ACOX3: variants seen among roughly 807,000 people sequenced by gnomAD.
ACOX3 encodes peroxisomal acyl-coenzyme A oxidase 3.
ACOX3 carries 73 observed loss-of-function variants against 81.5 expected under a neutral mutation model. The observed-to-expected ratio is 0.90, with a 90% CI of 0.74 to 1.09. ACOX3 has a LOEUF of 1.09. ACOX3 is among the 50% of genes least tolerant of loss of function. The probability of loss-of-function intolerance (pLI) is 0.00; values close to 1 mark genes in which losing one functional copy is unlikely to be tolerated. For missense variants in ACOX3, 947 were observed against 928.0 expected (o/e 1.02, Z -0.27); for synonymous variants, 387 against 375.1 (o/e 1.03, Z -0.37).
chr4:8,366,919 C>T lies in ACOX3; in HGVS notation c.*42G>A. ...AGTTGAGGTCCACGTCTGATTAGTT[C>T]CCTTCGTTTCATTAGACTTGGCTGA... is the stretch of plus-strand genomic sequence containing the variant. On this transcript the variant is annotated 3_prime_UTR_variant, in exon 18 of 18. Transcript: ENST00000356406. 1 of 1,609,438 alleles carries T rather than the reference C, an allele frequency of 6.2e-7. No individual in the cohort carries two copies.
At chr4:8,380,518 G>A (rs1278920336) in intron 14 of ACOX3, among the ~76,000 whole-genome samples, 1 of 152,160 alleles carries the variant, frequency 6.6e-6, no homozygotes, top group Non-Finnish European at 1.5e-5. Context: ...CTTGACAGGA[G>A]CCCATCCTTC....
chr4:8,377,780 T>A lies in ACOX3; in HGVS notation c.1654-2628A>T, dbSNP rs562761861. Among the ~76,000 whole-genome samples the A allele has an allele frequency of 1.2e-4, 19 of 152,246 alleles. 1 individual carries two copies. The highest frequency in any genetic ancestry group is 3.6e-4 in the African/African-American group (15 of 41,550). ...AAGGTGGGCTGGGGCCCAGGAAGCA[T>A]CCCATGCGGTATGGACTCTGGCGAC... On this transcript the variant is annotated intron_variant, in intron 14 of 17. Transcript: ENST00000356406.
At chr4:8,404,468 A>C (rs1720713747) in intron 7 of ACOX3, among the ~76,000 whole-genome samples, 1 of 150,616 alleles carries the variant, frequency 6.6e-6, no homozygotes, top group South Asian at 2.1e-4. Flanking sequence ...AAATCACAAG[A>C]ATTTGCTTTT....
chr4:8,373,499 C>G (rs1479382633), intron 16 of ACOX3, 62 bp downstream of exon 16: 1 of 1,550,908 alleles, frequency 6.4e-7, no homozygotes, highest in African/African-American at 1.4e-5. Context: ...TAAGGGGATG[C>G]GTGTCGCTCT....
chr4:8,421,435 C>G (rs977436574), intron 1 of ACOX3, among the ~76,000 whole-genome samples: 16 of 152,206 alleles, frequency 1.1e-4, no homozygotes, highest in African/African-American at 2.4e-5. Context: ...TCCCAAATTC[C>G]CGGCATTGGC....
intron 17 of ACOX3, 56 bp from the exon 18 acceptor site, chr4:8,367,136 C>G: frequency 1.3e-6 from 2 of 1,595,392 alleles, no homozygotes; most frequent in South Asian, 2.2e-5. Context: ...GGAAAAGATT[C>G]CTAGACGGCT....
chr4:8,397,752 C>T (rs532471849), intron 8 of ACOX3, among the ~76,000 whole-genome samples: 2 of 152,372 alleles, frequency 1.3e-5, no homozygotes, highest in African/African-American at 2.4e-5. Context: ...CCCGTGCTGC[C>T]CCATCGGGCC....
At position 8,416,451 on chromosome 4, in the gene ACOX3, T is replaced by G. The variant is rs779954683; in HGVS notation, c.71A>C (p.Tyr24Ser). Residue 24 changes from tyrosine to serine, a missense_variant, in exon 2 of 18, where the codon TAC becomes TCC. By Grantham distance (144) the Tyr-to-Ser change is moderately radical (BLOSUM62 -2). Coordinates refer to ENST00000356406, the MANE Select transcript of ACOX3 (RefSeq NM_003501.3). This position sits in a 1 kb window ranked among gnomAD's most constrained non-coding sequence, Gnocchi z 4.2. ...CCAGCTGAAGGACGCTCTTGCTCGG[T>G]AGGCATCGAGGGGCCCCCTGGGGAA... ...PEFPRGPLDA[Y>S]RARASFSWKE... is the part of the protein sequence containing the mutation. 3.1e-6 allele frequency: 5 copies of G among 1,614,106 alleles called. No individual in the cohort carries two copies. The highest frequency in any genetic ancestry group is 4.2e-6 in the Non-Finnish European group (5 of 1,180,016).
chr4:8,405,847 A>T lies in ACOX3; in HGVS notation c.776+108T>A. 8.7e-7 allele frequency: 1 copy of T among 1,144,952 alleles called. No homozygotes were observed. The highest frequency in any genetic ancestry group is 1.3e-6 in the Non-Finnish European group (1 of 761,240). The allele number at this position is 1,144,952 out of a possible 1,614,324, so 70.9% of individuals were successfully genotyped here. A position where few individuals can be genotyped will look rare whatever the true frequency, so the allele number is the denominator to read the frequency against. On this transcript the variant is annotated intron_variant, in intron 7 of 17. Coordinates refer to ENST00000356406, the MANE Select transcript of ACOX3 (RefSeq NM_003501.3). The surrounding 1 kb of genome is among the most constrained non-coding windows in gnomAD (Gnocchi z 7.1). Reference sequence around the variant, plus strand: ...TAGGTCCCCACCGCATTTGAGTCTAAGAGGGCAGGGCATGGCATCCATGGG... The same window carrying T: ...TAGGTCCCCACCGCATTTGAGTCTATGAGGGCAGGGCATGGCATCCATGGG...
intron 7 of ACOX3, among the ~76,000 whole-genome samples, chr4:8,402,423 G>A (rs936264601): frequency 1.3e-5 from 2 of 152,134 alleles, no homozygotes; most frequent in Non-Finnish European, 1.5e-5. Flanking sequence ...ACCTTGCCTC[G>A]GTGCCAATGG....
rs781536354 is a variant in ACOX3 at position 8,416,393 on chromosome 4, G to A, written c.129C>T (p.Gly43=). 73 of 1,614,086 alleles carry A rather than the reference G, an allele frequency of 4.5e-5. No homozygotes were observed. Among genetic ancestry groups the A allele is most frequent in the Non-Finnish European group, 5.7e-5 (67 of 1,180,050 alleles). Residue 43 remains glycine (G), a synonymous_variant, in exon 2 of 18, where the codon GGC becomes GGT. Coordinates refer to ENST00000356406, the MANE Select transcript of ACOX3 (RefSeq NM_003501.3). This position sits in a 1 kb window ranked among gnomAD's most constrained non-coding sequence, Gnocchi z 4.2. ...CACGCCTCACCTTAAAGCGGAGCAT[G>A]CCCTCCCCTTCCGTGAACAGCGCCA... The part of the protein sequence containing the change: ...KELALFTEGE[G]MLRFKKTIFS...
At chr4:8,380,649 C>T (rs1426853566) in intron 14 of ACOX3, among the ~76,000 whole-genome samples, 1 of 152,190 alleles carries the variant, frequency 6.6e-6, no homozygotes, top group Admixed American at 6.5e-5. Flanking sequence ...CAGAGACAGG[C>T]AGATGTGGAC....
chr4:8,366,983 C>T lies in ACOX3; in HGVS notation c.2081G>A (p.Gly694Glu). Residue 694 changes from glycine (G) to glutamate (E), a missense_variant, in exon 18 of 18, where the codon GGA becomes GAA. Coordinates refer to ENST00000356406, the MANE Select transcript of ACOX3 (RefSeq NM_003501.3). Reference sequence around the variant, plus strand: ...CCACTAGAGCTTCGATTTCAGACTTCCTATGACAGGTTTGTTCACAGAAAA... The same window carrying T: ...CCACTAGAGCTTCGATTTCAGACTTTCTATGACAGGTTTGTTCACAGAAAA... ...PEFSVNKPVI[G>E]SLKSKL 6.2e-7 allele frequency: 1 copy of T among 1,614,038 alleles called. No homozygotes were observed. The highest frequency in any genetic ancestry group is 8.5e-7 in the Non-Finnish European group (1 of 1,179,970).
At chr4:8,426,813 C>T (rs1723533675) in intron 1 of ACOX3, among the ~76,000 whole-genome samples, 1 of 152,072 alleles carries the variant, frequency 6.6e-6, no homozygotes, top group Non-Finnish European at 1.5e-5. Flanking sequence ...AAATGGAGCC[C>T]CAGATGCAGT....
At position 8,406,169 on chromosome 4, in the gene ACOX3, T is replaced by G; in HGVS notation, c.688-126A>C. 1 of 844,272 alleles carries G rather than the reference T, an allele frequency of 1.2e-6. No homozygotes were observed. The allele number at this position is 844,272 out of a possible 1,614,324, so 52.3% of individuals were successfully genotyped here. A position where few individuals can be genotyped will look rare whatever the true frequency, so the allele number is the denominator to read the frequency against. On this transcript the variant is annotated intron_variant, in intron 6 of 17. Transcript: ENST00000356406. This position sits in a 1 kb window ranked among gnomAD's most constrained non-coding sequence, Gnocchi z 5.6. ...CGCTGGGCGGCTGTGGGTTAAACCA[T>G]CCTCCAGAAATGATACATCCAAGTC...
Position 8,370,216 on chromosome 4 carries a change from G to A in ACOX3, c.1983+692C>T, listed in dbSNP as rs993952516. Among the ~76,000 whole-genome samples, 13 of 152,212 alleles carry A rather than the reference G, an allele frequency of 8.5e-5. No homozygotes were observed. The highest frequency in any genetic ancestry group is 2.7e-4 in the African/African-American group (11 of 41,450). On this transcript the variant is annotated intron_variant, in intron 17 of 17. Coordinates refer to ENST00000356406, the MANE Select transcript of ACOX3 (RefSeq NM_003501.3). The surrounding 1 kb of genome is among the most constrained non-coding windows in gnomAD (Gnocchi z 6.3). ...TGGGCATGGGCCTGGCGCGACAGAC[G>A]GGGAGGCCAGTAAGGCTAGATCTGG... is the stretch of plus-strand genomic sequence containing the variant.
rs1013452658 is a variant in ACOX3 at position 8,432,034 on chromosome 4, C to T, written c.-15+8614G>A. Among the ~76,000 whole-genome samples, 10 of 152,128 alleles carry T rather than the reference C, an allele frequency of 6.6e-5. No individual in the cohort carries two copies. Among genetic ancestry groups the T allele is most frequent in the African/African-American group, 9.7e-5 (4 of 41,418 alleles). The stretch of plus-strand genomic sequence containing the variant: ...GGGAAGGGAATGGGTTCTGATGATT[C>T]GGCACCAAGAATGATCCATCACAGC... On this transcript the variant is annotated intron_variant, in intron 1 of 17. Coordinates refer to ENST00000356406, the MANE Select transcript of ACOX3 (RefSeq NM_003501.3). This position sits in a 1 kb window ranked among gnomAD's most constrained non-coding sequence, Gnocchi z 6.2.
In ACOX3 at chr4:8,381,599, C is replaced by T; in HGVS notation, c.1546G>A (p.Ala516Thr). Residue 516 changes from alanine (A) to threonine (T), a missense_variant, in exon 14 of 18, where the codon GCA (alanine) becomes ACA (threonine). Ala to Thr is a moderately conservative substitution (Grantham distance 58). Coordinates refer to ENST00000356406, the MANE Select transcript of ACOX3 (RefSeq NM_003501.3). The surrounding 1 kb of genome is among the most constrained non-coding windows in gnomAD (Gnocchi z 4.3). ...TAGCAAACCAGCCACTTGTATGCTGCCAGGGCGACTTCGGAATGACAAACA... is the reference window on the plus strand; with the variant it reads ...TAGCAAACCAGCCACTTGTATGCTGTCAGGGCGACTTCGGAATGACAAACA... The part of the protein sequence containing the change: ...ADCLDSAVAL[A>T]AYKWLVCYLL... 6.2e-7 allele frequency: 1 copy of T among 1,612,080 alleles called. No individual in the cohort carries two copies. Among genetic ancestry groups the T allele is most frequent in the East Asian group, 2.2e-5 (1 of 44,862 alleles).
chr4:8,388,093 G>A (rs543188897), intron 13 of ACOX3, among the ~76,000 whole-genome samples: 4 of 152,228 alleles, frequency 2.6e-5, no homozygotes, highest in African/African-American at 4.8e-5. Flanking sequence ...AGATGAGCTC[G>A]GCATGGGCTG....
Sources: gnomAD v4.1 joint callset for allele counts (sites outside exome capture counted in the v4.1 genomes callset) on GRCh38, gnomAD v4.1.1 for gene constraint, Gnocchi (gnomAD v3.1) non-coding constraint, MANE v1.5 for transcripts, NCBI Gene and HGNC (gene_info 2026-07-23, HGNC 2026-07-21) for gene names.